NELL1: variants seen among roughly 807,000 people sequenced by gnomAD.
NELL1 encodes protein kinase C-binding protein NELL1.
A neutral mutation model predicts 107.4 loss-of-function variants in NELL1; 76 were observed. The ratio of observed to expected loss-of-function variants is 0.71; its 90% confidence interval spans 0.59 to 0.86. The LOEUF (loss-of-function observed/expected upper bound fraction) is 0.86. NELL1 is among the 40% of genes least tolerant of loss of function. The pLI is 0.00. For synonymous variants in NELL1, 353 were observed against 341.2 expected (o/e 1.03, Z -0.38); for missense variants, 1,024 against 1,005.5 (o/e 1.02, Z -0.25).
intron 13 of NELL1, among the ~76,000 whole-genome samples, chr11:21,178,495 C>T (rs766098764): frequency 4.0e-5 from 6 of 151,640 alleles, no homozygotes; most frequent in Admixed American, 1.3e-4. Flanking sequence ...GGGTGGGAAT[C>T]GTAGCTCACA....
intron 14 of NELL1, among the ~76,000 whole-genome samples, chr11:21,324,970 C>T (rs1422845105): frequency 6.6e-6 from 1 of 152,006 alleles, no homozygotes; most frequent in African/African-American, 2.4e-5. Context: ...TACTTTCCAA[C>T]CTCCCCCCAT....
At chr11:20,803,183 C>T (rs1308311095) in intron 3 of NELL1, among the ~76,000 whole-genome samples, 1 of 151,964 alleles carries the variant, frequency 6.6e-6, no homozygotes, top group Non-Finnish European at 1.5e-5. Flanking sequence ...AGCAGTGAAG[C>T]CATTGGATCC....
chr11:21,552,363 T>G (rs892007789), intron 16 of NELL1, among the ~76,000 whole-genome samples: 1 of 151,818 alleles, frequency 6.6e-6, no homozygotes, highest in Non-Finnish European at 1.5e-5. Flanking sequence ...AAATCATTTA[T>G]CAGAGAGTCT....
chr11:21,473,161 T>C (rs1023214250), intron 15 of NELL1, among the ~76,000 whole-genome samples: 1 of 152,014 alleles, frequency 6.6e-6, no homozygotes, highest in African/African-American at 2.4e-5. Flanking sequence ...TAGCAGCATT[T>C]GTACTCCACC....
At chr11:21,038,519 A>C (rs1387851734) in intron 12 of NELL1, among the ~76,000 whole-genome samples, 1 of 152,202 alleles carries the variant, frequency 6.6e-6, no homozygotes, top group Non-Finnish European at 1.5e-5. Flanking sequence ...TGAGGTAAAC[A>C]GGGAAGGGTT....
intron 4 of NELL1, among the ~76,000 whole-genome samples, chr11:20,852,608 T>A (rs1468870027): frequency 6.6e-6 from 1 of 152,200 alleles, no homozygotes; most frequent in Non-Finnish European, 1.5e-5. Context: ...TACAAGCATA[T>A]CTGCTGTAGT....
At chr11:20,702,842 C>A (rs944290849) in intron 2 of NELL1, among the ~76,000 whole-genome samples, 38 of 152,154 alleles carry the variant, frequency 2.5e-4, no homozygotes, top group Non-Finnish European at 5.3e-4. Flanking sequence ...AGCAGCCATG[C>A]ATCCCAGGGA....
intron 15 of NELL1, among the ~76,000 whole-genome samples, chr11:21,375,160 T>A (rs1851445624): frequency 6.6e-6 from 1 of 152,044 alleles, no homozygotes; most frequent in Admixed American, 6.6e-5. Flanking sequence ...GTCACTTAGG[T>A]ACTGAGAACA....
chr11:20,910,806 A>C (rs1202300625), intron 5 of NELL1, among the ~76,000 whole-genome samples: 1 of 152,228 alleles, frequency 6.6e-6, no homozygotes, highest in African/African-American at 2.4e-5. Context: ...TAATGAATGA[A>C]TGTACCAGTT....
chr11:20,993,339 TG>T (rs1357599189), intron 12 of NELL1, among the ~76,000 whole-genome samples: 1 of 152,202 alleles, frequency 6.6e-6, no homozygotes. Context: ...AGTTTATCAC[TG>T]GTGCTCAATA....
At chr11:21,277,314 G>A (rs1451258401) in intron 14 of NELL1, among the ~76,000 whole-genome samples, 2 of 152,038 alleles carry the variant, frequency 1.3e-5, no homozygotes, top group African/African-American at 4.8e-5. Flanking sequence ...ATCATCACTG[G>A]CCATCAGAGA....
In NELL1 at chr11:20,921,796, G is replaced by GTTTTTTTT. The variant is rs34327396; in HGVS notation, c.759+2463_759+2464insTTTTTTTT. ...GAGCAAGGTCTCTTTTTTATTGTGT[G>GTTTTTTTT]TGTTTTTTTTTTTTTTTTAAGAACA... On this transcript the variant is annotated intron_variant, in intron 7 of 19. Coordinates refer to ENST00000357134, the MANE Select transcript of NELL1 (RefSeq NM_006157.5). 2.2e-5 allele frequency among the ~76,000 whole-genome samples: 3 copies of GTTTTTTTT among 137,144 alleles called. 1 individual carries two copies. Among genetic ancestry groups the GTTTTTTTT allele is most frequent in the Non-Finnish European group, 3.1e-5 (2 of 65,524 alleles). The allele number at this position is 137,144 out of a possible 152,430, so 90.0% of individuals were successfully genotyped here.
chr11:21,422,093 ATATGTGTGTGTGTGTG>A (rs1852689695), intron 15 of NELL1, among the ~76,000 whole-genome samples: 1 of 90,716 alleles, frequency 1.1e-5, no homozygotes, highest in Non-Finnish European at 2.5e-5. Context: ...ACATTTACAC[ATATGTGTGTGTGTGTG>A]TGTGTGTGTG....
At chr11:21,543,561 T>C (rs905178060) in intron 16 of NELL1, among the ~76,000 whole-genome samples, 1 of 152,004 alleles carries the variant, frequency 6.6e-6, no homozygotes, top group African/African-American at 2.4e-5. Context: ...AAGAAAGCTC[T>C]TCTGGGTCCC....
intron 3 of NELL1, among the ~76,000 whole-genome samples, chr11:20,807,467 C>G (rs1008859666): frequency 2.0e-5 from 3 of 152,208 alleles, no homozygotes; most frequent in African/African-American, 7.2e-5. Flanking sequence ...CCTGTGGTCA[C>G]CACCACTGGG....
At chr11:21,521,918 T>C (rs1021549504) in intron 15 of NELL1, among the ~76,000 whole-genome samples, 1 of 152,222 alleles carries the variant, frequency 6.6e-6, no homozygotes, top group African/African-American at 2.4e-5. Flanking sequence ...AAAATGTATA[T>C]TCATATCTTT....
chr11:20,671,771 A>AT (rs1555050261), intron 1 of NELL1, among the ~76,000 whole-genome samples: 1 of 126,158 alleles, frequency 7.9e-6, no homozygotes, highest in Non-Finnish European at 1.8e-5. Context: ...TTACAGATTG[A>AT]TGGGGGGGGT....
chr11:20,705,317 A>T (rs1357838059), intron 2 of NELL1, among the ~76,000 whole-genome samples: 1 of 152,150 alleles, frequency 6.6e-6, no homozygotes, highest in East Asian at 1.9e-4. Flanking sequence ...CAAAACAGAG[A>T]TATAGACCAA....
chr11:21,066,984 A>AATAAATAAATAAATAT (rs1853890757), intron 12 of NELL1, among the ~76,000 whole-genome samples: 1 of 151,612 alleles, frequency 6.6e-6, no homozygotes, highest in African/African-American at 2.4e-5. Context: ...TAAATAAATA[A>AATAAATAAATAAATAT]ATAAATAAAT....
Sources: allele counts gnomAD v4.1 joint callset (sites outside exome capture counted in the v4.1 genomes callset), GRCh38; gene constraint gnomAD v4.1.1; transcripts MANE v1.5; gene names NCBI Gene and HGNC (gene_info 2026-07-23, HGNC 2026-07-21).